The following KIAA1217 variants were observed in gnomAD, a reference collection of about 807,000 sequenced individuals.
KIAA1217 encodes sickle tail protein homolog.
KIAA1217 carries 88 observed loss-of-function variants against 163.9 expected under a neutral mutation model. That is an observed-to-expected ratio of 0.54 (90% CI 0.45 to 0.64). The LOEUF is 0.64. Ranked by LOEUF, KIAA1217 falls within the 30% of genes least tolerant of loss-of-function variation. KIAA1217 has a pLI of 0.00. For synonymous variants in KIAA1217, 903 were observed against 923.1 expected, an observed-to-expected ratio of 0.98 and a Z score of 0.39; for missense variants, 2,372 against 2,475.0, an observed-to-expected ratio of 0.96 and a Z score of 0.88.
At chr10:23,931,704 G>C (rs1843258525) in intron 1 of KIAA1217, among the ~76,000 whole-genome samples, 1 of 152,130 alleles carries the variant, frequency 6.6e-6, no homozygotes, top group East Asian at 1.9e-4. Flanking sequence ...CTTTCTCATG[G>C]GTGGGGTTAG....
At chr10:24,538,167 GCTATTCTAACACAACCATTC>G (rs888445224) in intron 17 of KIAA1217, among the ~76,000 whole-genome samples, 3 of 152,142 alleles carry the variant, frequency 2.0e-5, no homozygotes, top group Non-Finnish European at 4.4e-5. Context: ...AAACTGAAAG[GCTATTCTAACACAACCATTC>G]AAGAGACACA....
intron 2 of KIAA1217, among the ~76,000 whole-genome samples, chr10:24,281,681 T>C (rs552921684): frequency 6.6e-6 from 1 of 152,138 alleles, no homozygotes; most frequent in South Asian, 2.1e-4. Context: ...GATTTTATCA[T>C]GAGTAGACTA....
At chr10:24,129,450 T>C (rs1467806431) in intron 2 of KIAA1217, among the ~76,000 whole-genome samples, 1 of 152,174 alleles carries the variant, frequency 6.6e-6, no homozygotes, top group African/African-American at 2.4e-5. Context: ...ATAGACTTCA[T>C]ACTTCTAAGT....
chr10:24,520,006 G>GC (rs953965369), intron 10 of KIAA1217, 117 bp from the exon 11 acceptor site: 6 of 1,158,048 alleles, frequency 5.2e-6, no homozygotes, highest in South Asian at 4.6e-5. Flanking sequence ...ACGAAAGGCA[G>GC]GGGGGAGGAG....
chr10:24,001,247 A>T (rs1381402410), intron 1 of KIAA1217, among the ~76,000 whole-genome samples: 2 of 152,196 alleles, frequency 1.3e-5, no homozygotes, highest in African/African-American at 4.8e-5. Flanking sequence ...CCATTCATTC[A>T]TACATCTGCC....
chr10:24,009,145 AAG>A (rs760136531), intron 2 of KIAA1217, among the ~76,000 whole-genome samples: 16 of 152,202 alleles, frequency 1.1e-4, no homozygotes, highest in Non-Finnish European at 2.2e-4. Context: ...AATAATTTTA[AAG>A]AATAAAATAA....
intron 2 of KIAA1217, among the ~76,000 whole-genome samples, chr10:24,250,709 A>C (rs76666476): frequency 1 from 87,745 of 87,752 alleles, 43,869 homozygotes; most frequent in Middle Eastern, 1. Flanking sequence ...CCTCGGCCTC[A>C]CAAAGTGCTG....
intron 1 of KIAA1217, among the ~76,000 whole-genome samples, chr10:23,991,756 A>T (rs1394157438): frequency 1.3e-5 from 2 of 152,162 alleles, no homozygotes; most frequent in Non-Finnish European, 2.9e-5. Flanking sequence ...CATTCTAGGG[A>T]AGGCGATAAC....
At chr10:24,484,241 A>ATATATATATTT (rs1376083298) in intron 6 of KIAA1217, among the ~76,000 whole-genome samples, 4 of 75,150 alleles carry the variant, frequency 5.3e-5, no homozygotes, top group Non-Finnish European at 5.0e-5. Flanking sequence ...ATATATATAT[A>ATATATATATTT]TTTTTTTTTT....
At chr10:24,509,563 C>G (rs575012174) in intron 9 of KIAA1217, among the ~76,000 whole-genome samples, 21 of 152,252 alleles carry the variant, frequency 1.4e-4, no homozygotes, top group Non-Finnish European at 2.9e-4. Context: ...TATTGCGATT[C>G]ATTCATAGAG....
chr10:23,855,034 T>C (rs1008266124), intron 1 of KIAA1217, among the ~76,000 whole-genome samples: 3 of 152,198 alleles, frequency 2.0e-5, no homozygotes, highest in African/African-American at 7.2e-5. Flanking sequence ...AATATTGTTA[T>C]GTGTGAATTT....
chr10:24,254,643 C>A (rs2074945745), intron 2 of KIAA1217, among the ~76,000 whole-genome samples: 1 of 152,194 alleles, frequency 6.6e-6, no homozygotes, highest in South Asian at 2.1e-4. Flanking sequence ...CACATGACTG[C>A]ACTGCCTTTC....
At chr10:24,382,056 T>TAAAAAA in intron 3 of KIAA1217, among the ~76,000 whole-genome samples, 1 of 152,116 alleles carries the variant, frequency 6.6e-6, no homozygotes, top group Non-Finnish European at 1.5e-5. Context: ...CTTTCTATCT[T>TAAAAAA]GCTTTGCTTT....
rs1470002424 is a variant in KIAA1217, at chr10:24,372,360, GC to G, written c.355-8508del. On this transcript the variant is annotated intron_variant, in intron 2 of 20. Coordinates refer to ENST00000376454, the MANE Select transcript of KIAA1217 (RefSeq NM_019590.5). ...ACAATCATGATGAATGAGGGGTGTGGCATCTGGTGTGGTGATCTGGTGCGTT... is the reference window on the plus strand; with the variant it reads ...ACAATCATGATGAATGAGGGGTGTGGATCTGGTGTGGTGATCTGGTGCGTT... 5.9e-5 allele frequency among the ~76,000 whole-genome samples: 9 copies of G among 152,246 alleles called. No homozygotes were observed. The East Asian group carries it at 1.2e-3, about 20-fold the overall frequency.
intron 5 of KIAA1217, among the ~76,000 whole-genome samples, chr10:24,439,017 G>A (rs2060277029): frequency 6.6e-6 from 1 of 152,076 alleles, no homozygotes; most frequent in South Asian, 2.1e-4. Context: ...GCCATGCTGA[G>A]GTCATAATAC....
chr10:24,042,093 G>C (rs932737603), intron 2 of KIAA1217: 2 of 152,150 alleles, frequency 1.3e-5, no homozygotes, highest in Non-Finnish European at 2.9e-5. Flanking sequence ...CTACGGGGCT[G>C]CATGATGCCT....
intron 2 of KIAA1217, among the ~76,000 whole-genome samples, chr10:24,159,499 G>C (rs970058269): frequency 6.6e-6 from 1 of 152,132 alleles, no homozygotes; most frequent in South Asian, 2.1e-4. Flanking sequence ...AGTTTTGAAG[G>C]CTGGGGGTGG....
intron 3 of KIAA1217, among the ~76,000 whole-genome samples, chr10:24,430,446 A>G (rs1320167381): frequency 1.3e-5 from 2 of 152,216 alleles, no homozygotes; most frequent in East Asian, 1.9e-4. Flanking sequence ...GTGGAAGACA[A>G]TTTTTCCATG....
At chr10:23,847,301 G>A (rs1396799748) in intron 1 of KIAA1217, among the ~76,000 whole-genome samples, 1 of 152,116 alleles carries the variant, frequency 6.6e-6, no homozygotes, top group Non-Finnish European at 1.5e-5. Flanking sequence ...AATAGTTTCA[G>A]AAGAAATGGT....
Sources: gnomAD v4.1 joint callset for allele counts (sites outside exome capture counted in the v4.1 genomes callset) on GRCh38, gnomAD v4.1.1 for gene constraint, MANE v1.5 for transcripts, NCBI Gene and HGNC (gene_info 2026-07-23, HGNC 2026-07-21) for gene names.